OR13D1: variants seen among roughly 807,000 people sequenced by gnomAD.
OR13D1 encodes the protein olfactory receptor 13D1.
For missense variants in OR13D1, 353 were observed against 371.9 expected (o/e 0.95, Z 0.42); for synonymous variants, 125 against 140.2 (o/e 0.89, Z 0.76).
chr9:104,695,322 A>G lies in OR13D1; in HGVS notation c.805A>G (p.Thr269Ala). The change falls in exon 1 of 1, where the codon ACA becomes GCA. Residue 269 changes from threonine (T) to alanine (A), a missense_variant. Thr to Ala is a moderately conservative substitution (Grantham distance 58, BLOSUM62 0). Coordinates refer to ENST00000641530, the MANE Select transcript of OR13D1 (RefSeq NM_001004484.2). ...YMKPKSKNTN[T>A]SDEIIGLSYG... is the part of the protein sequence containing the mutation. Reference sequence around the variant, plus strand: ...GAAACCCAAGTCAAAGAACACTAATACATCTGATGAGATTATTGGGCTGTC... The same window carrying G: ...GAAACCCAAGTCAAAGAACACTAATGCATCTGATGAGATTATTGGGCTGTC... 1 of 1,613,966 alleles carries G rather than the reference A, an allele frequency of 6.2e-7. No individual in the cohort carries two copies. Among genetic ancestry groups the G allele is most frequent in the Non-Finnish European group, 8.5e-7 (1 of 1,179,956 alleles).
At position 104,694,850 on chromosome 9, in the gene OR13D1, G is replaced by C; in HGVS notation, c.333G>C (p.Glu111Asp). 6.2e-7 allele frequency: 1 copy of C among 1,614,156 alleles called. No homozygotes were observed. The highest frequency in any genetic ancestry group is 8.5e-7 in the Non-Finnish European group (1 of 1,180,026). ...TGTCCCTTGGCTTGGGCTCCACTGAGTGTGTCCTCCTGGCTGTGATGGCCT... is the reference window on the plus strand; with the variant it reads ...TGTCCCTTGGCTTGGGCTCCACTGACTGTGTCCTCCTGGCTGTGATGGCCT... ...MVVSLGLGST[E>D]CVLLAVMAYD... The change falls in exon 1 of 1, where the codon GAG becomes GAC. Residue 111 changes from glutamate to aspartate, a missense_variant. Transcript: ENST00000641530.
chr9:104,695,106 C>T lies in OR13D1; in HGVS notation c.589C>T (p.Leu197Phe). The change falls in exon 1 of 1, where the codon CTT becomes TTT. Residue 197 changes from leucine (L) to phenylalanine (F), a missense_variant. By Grantham distance (22) the Leu-to-Phe change is conservative (BLOSUM62 0). Coordinates refer to ENST00000641530, the MANE Select transcript of OR13D1 (RefSeq NM_001004484.2). ...TTGTTCAGATATCACCATCAATGTG[C>T]TTATCATGACAGTGACAAATATTGT... The part of the protein sequence containing the change: ...LVCSDITINV[L>F]IMTVTNIVSL... 2 of 1,613,244 alleles carry T rather than the reference C, an allele frequency of 1.2e-6. No individual in the cohort carries two copies. The highest frequency in any genetic ancestry group is 1.1e-5 in the South Asian group (1 of 91,058).
Position 104,694,675 on chromosome 9 carries a change from C to G in OR13D1, c.158C>G (p.Ser53Cys). ...SLLIIITILD[S>C]RLHTPMYFFL... ...CTCATTATCATCACCATCTTGGATTCTCGCCTCCATACTCCCATGTATTTC... is the reference window on the plus strand; with the variant it reads ...CTCATTATCATCACCATCTTGGATTGTCGCCTCCATACTCCCATGTATTTC... The change falls in exon 1 of 1, where the codon TCT becomes TGT. Residue 53 changes from serine (S) to cysteine (C), a missense_variant. Physicochemically the swap from Ser to Cys is moderately radical, Grantham distance 112 (BLOSUM62 -1). Transcript: ENST00000641530. The G allele has an allele frequency of 6.2e-7, 1 of 1,614,130 alleles. No individual in the cohort carries two copies. The highest frequency in any genetic ancestry group is 1.3e-5 in the African/African-American group (1 of 75,034).
rs1379761027 is a variant in OR13D1 at position 104,694,991 on chromosome 9, G to A, written c.474G>A (p.Leu158=). 2 of 1,613,964 alleles carry A rather than the reference G, an allele frequency of 1.2e-6. No individual in the cohort carries two copies. Among genetic ancestry groups the A allele is most frequent in the East Asian group, 4.5e-5 (2 of 44,864 alleles). Residue 158 remains leucine (L), a synonymous_variant, in exon 1 of 1, where the codon TTG becomes TTA. Transcript: ENST00000641530. ...SWIIGCLTSL[L]QTVLTMMLPF... is the part of the protein sequence containing the mutation. ...TCATAGGCTGTCTGACCTCCCTATTGCAAACAGTTCTGACAATGATGTTGC... is the reference window on the plus strand; with the variant it reads ...TCATAGGCTGTCTGACCTCCCTATTACAAACAGTTCTGACAATGATGTTGC...
Position 104,694,754 on chromosome 9 carries a change from T to C in OR13D1, c.237T>C (p.Pro79=), listed in dbSNP as rs763940138. The C allele has an allele frequency of 1.2e-6, 2 of 1,614,100 alleles. No homozygotes were observed. Among genetic ancestry groups the C allele is most frequent in the Non-Finnish European group, 1.7e-6 (2 of 1,179,968 alleles). The change falls in exon 1 of 1, where the codon CCT becomes CCC. Residue 79 remains proline, a synonymous_variant. Coordinates refer to ENST00000641530, the MANE Select transcript of OR13D1 (RefSeq NM_001004484.2). ...TCTGTTACACATCCTCATCCATTCC[T>C]CCAATGCTTATTATATTTATGTCTG... ...LDICYTSSSI[P]PMLIIFMSER...
chr9:104,694,529 A>G lies in OR13D1; in HGVS notation c.12A>G (p.Arg4=), dbSNP rs1187855937. 6.2e-7 allele frequency: 1 copy of G among 1,610,954 alleles called. No homozygotes were observed. The highest frequency in any genetic ancestry group is 8.5e-7 in the Non-Finnish European group (1 of 1,179,772). MET[R]NYSAMTEFFL... is the part of the protein sequence containing the mutation. ...GTGACCTAGAACACATGGAGACAAGAAATTACTCTGCCATGACTGAATTCT... is the reference window on the plus strand; with the variant it reads ...GTGACCTAGAACACATGGAGACAAGGAATTACTCTGCCATGACTGAATTCT... The change falls in exon 1 of 1, where the codon AGA becomes AGG. Residue 4 remains arginine, a synonymous_variant. Transcript: ENST00000641530.
Position 104,694,728 on chromosome 9 carries a change from A to C in OR13D1, c.211A>C (p.Ile71Leu), listed in dbSNP as rs1827201233. 1 of 1,614,004 alleles carries C rather than the reference A, an allele frequency of 6.2e-7. No homozygotes were observed. The highest frequency in any genetic ancestry group is 1.3e-5 in the African/African-American group (1 of 74,920). Residue 71 changes from isoleucine (I) to leucine (L), a missense_variant, in exon 1 of 1, where the codon ATC (isoleucine) becomes CTC (leucine). Physicochemically the swap from Ile to Leu is conservative, Grantham distance 5. Coordinates refer to ENST00000641530, the MANE Select transcript of OR13D1 (RefSeq NM_001004484.2). ...FFLGNLSFLD[I>L]CYTSSSIPPM... ...TCTTGGAAACCTCTCATTCTTGGACATCTGTTACACATCCTCATCCATTCC... is the reference window on the plus strand; with the variant it reads ...TCTTGGAAACCTCTCATTCTTGGACCTCTGTTACACATCCTCATCCATTCC...
rs146277804 is a variant in OR13D1, at chr9:104,694,597, T to G, written c.80T>G (p.Leu27Arg). ...CAATATCCAGAGCTCCAGCTTTTTC[T>G]GTTCCTGCTCTGCCTCATCATGTAC... ...LSQYPELQLFLFLLCLIMYMI... is the reference protein window; with the variant it reads ...LSQYPELQLFRFLLCLIMYMI... Residue 27 changes from leucine (L) to arginine (R), a missense_variant, in exon 1 of 1, where the codon CTG (leucine) becomes CGG (arginine). Transcript: ENST00000641530. 2,013 of 1,614,160 alleles carry G rather than the reference T, an allele frequency of 1.2e-3. 1 individual carries two copies. Among genetic ancestry groups the G allele is most frequent in the Non-Finnish European group, 1.5e-3 (1,737 of 1,179,986 alleles).
In OR13D1 at chr9:104,694,994, A is replaced by T. The variant is rs10820709; in HGVS notation, c.477A>T (p.Gln159His). ...TAGGCTGTCTGACCTCCCTATTGCA[A>T]ACAGTTCTGACAATGATGTTGCCTT... ...WIIGCLTSLL[Q>H]TVLTMMLPFC... Residue 159 changes from glutamine (Q) to histidine (H), a missense_variant, in exon 1 of 1, where the codon CAA (glutamine) becomes CAT (histidine). Transcript: ENST00000641530. 2 of 1,613,680 alleles carry T rather than the reference A, an allele frequency of 1.2e-6. No individual in the cohort carries two copies. The highest frequency in any genetic ancestry group is 2.7e-5 in the African/African-American group (2 of 74,838).
chr9:104,694,763 T>C lies in OR13D1; in HGVS notation c.246T>C (p.Leu82=), dbSNP rs533927721. 1.9e-6 allele frequency: 3 copies of C among 1,614,110 alleles called. No homozygotes were observed. The highest frequency in any genetic ancestry group is 2.5e-6 in the Non-Finnish European group (3 of 1,179,968). ...CYTSSSIPPM[L]IIFMSERKSI... ...CATCCTCATCCATTCCTCCAATGCT[T>C]ATTATATTTATGTCTGAGAGAAAAT... is the stretch of plus-strand genomic sequence containing the variant. The change falls in exon 1 of 1, where the codon CTT becomes CTC. Residue 82 remains leucine (L), a synonymous_variant. Coordinates refer to ENST00000641530, the MANE Select transcript of OR13D1 (RefSeq NM_001004484.2).
chr9:104,695,188 C>A lies in OR13D1; in HGVS notation c.671C>A (p.Ser224Tyr). 6.2e-7 allele frequency: 1 copy of A among 1,613,678 alleles called. No homozygotes were observed. Among genetic ancestry groups the A allele is most frequent in the East Asian group, 2.2e-5 (1 of 44,874 alleles). Residue 224 changes from serine to tyrosine, a missense_variant, in exon 1 of 1, where the codon TCC becomes TAC. Physicochemically the swap from Ser to Tyr is moderately radical, Grantham distance 144 (BLOSUM62 -2). Coordinates refer to ENST00000641530, the MANE Select transcript of OR13D1 (RefSeq NM_001004484.2). The stretch of plus-strand genomic sequence containing the variant: ...ATCTCCTATGTGTTTATTCTCTCTT[C>A]CATCCTGAGAATTAATTGTGCTGAG... ...IFISYVFILS[S>Y]ILRINCAEGR...
In OR13D1 at chr9:104,695,441, T is replaced by C; in HGVS notation, c.924T>C (p.His308=). The C allele has an allele frequency of 1.9e-6, 3 of 1,554,496 alleles. No homozygotes were observed. Among genetic ancestry groups the C allele is most frequent in the Non-Finnish European group, 2.6e-6 (3 of 1,155,878 alleles). Residue 308 remains histidine, a synonymous_variant, in exon 1 of 1, where the codon CAT becomes CAC. Coordinates refer to ENST00000641530, the MANE Select transcript of OR13D1 (RefSeq NM_001004484.2). ...CTGTAAAGAAAGTCCTGAGCAGACA[T>C]CTGCATTTATTGAAAATGTGAAAAA... is the stretch of plus-strand genomic sequence containing the variant. ...KEAVKKVLSR[H]LHLLKM is the part of the protein sequence containing the mutation.
Position 104,695,204 on chromosome 9 carries a change from T to C in OR13D1, c.687T>C (p.Asn229=). Residue 229 remains asparagine, a synonymous_variant, in exon 1 of 1, where the codon AAT becomes AAC. Coordinates refer to ENST00000641530, the MANE Select transcript of OR13D1 (RefSeq NM_001004484.2). ...TTCTCTCTTCCATCCTGAGAATTAATTGTGCTGAGGGAAGAAAGAAAGCCT... is the reference window on the plus strand; with the variant it reads ...TTCTCTCTTCCATCCTGAGAATTAACTGTGCTGAGGGAAGAAAGAAAGCCT... ...VFILSSILRI[N]CAEGRKKAFS... 3.1e-6 allele frequency: 5 copies of C among 1,613,858 alleles called. No homozygotes were observed. The highest frequency in any genetic ancestry group is 1.3e-5 in the African/African-American group (1 of 75,058).
rs143735173 is a variant in OR13D1, at chr9:104,695,224, A to G, written c.707A>G (p.Lys236Arg). 39 of 1,613,672 alleles carry G rather than the reference A, an allele frequency of 2.4e-5. No homozygotes were observed. Among genetic ancestry groups the G allele is most frequent in the Non-Finnish European group, 3.3e-5 (39 of 1,179,714 alleles). The change falls in exon 1 of 1, where the codon AAA becomes AGA. Residue 236 changes from lysine to arginine, a missense_variant. By Grantham distance (26) the Lys-to-Arg change is conservative. Transcript: ENST00000641530. The part of the protein sequence containing the change: ...LRINCAEGRK[K>R]AFSTCSAHSI... ...ATTAATTGTGCTGAGGGAAGAAAGA[A>G]AGCCTTCTCTACCTGTTCAGCGCAC...
Position 104,694,941 on chromosome 9 carries a change from G to T in OR13D1, c.424G>T (p.Val142Leu), listed in dbSNP as rs781277683. Residue 142 changes from valine to leucine, a missense_variant, in exon 1 of 1, where the codon GTG becomes TTG. Transcript: ENST00000641530. ...CATCATCATGAACGGAGTGCTGTATGTGCAAATGGCTGCATGGTCCTGGAT... is the reference window on the plus strand; with the variant it reads ...CATCATCATGAACGGAGTGCTGTATTTGCAAATGGCTGCATGGTCCTGGAT... ...YSIIMNGVLYVQMAAWSWIIG... is the reference protein window; with the variant it reads ...YSIIMNGVLYLQMAAWSWIIG... 6.2e-7 allele frequency: 1 copy of T among 1,614,158 alleles called. No individual in the cohort carries two copies.
At position 104,695,294 on chromosome 9, in the gene OR13D1, C is replaced by T. The variant is rs891456968; in HGVS notation, c.777C>T (p.Tyr259=). ...ILFYGSALFM[Y]MKPKSKNTNT... ...TCTACGGTTCAGCCCTTTTTATGTACATGAAACCCAAGTCAAAGAACACTA... is the reference window on the plus strand; with the variant it reads ...TCTACGGTTCAGCCCTTTTTATGTATATGAAACCCAAGTCAAAGAACACTA... The change falls in exon 1 of 1, where the codon TAC becomes TAT. Residue 259 remains tyrosine, a synonymous_variant. Transcript: ENST00000641530. The T allele has an allele frequency of 1.9e-6, 3 of 1,613,736 alleles. No individual in the cohort carries two copies. The highest frequency in any genetic ancestry group is 1.1e-5 in the South Asian group (1 of 90,992).
chr9:104,694,803 G>A lies in OR13D1; in HGVS notation c.286G>A (p.Gly96Ser). 1.9e-6 allele frequency: 3 copies of A among 1,614,044 alleles called. No homozygotes were observed. The highest frequency in any genetic ancestry group is 8.5e-7 in the Non-Finnish European group (1 of 1,180,008). Residue 96 changes from glycine to serine, a missense_variant, in exon 1 of 1, where the codon GGC becomes AGC. Coordinates refer to ENST00000641530, the MANE Select transcript of OR13D1 (RefSeq NM_001004484.2). ...TGAGAGAAAATCCATCTCCTTCATT[G>A]GCTGTGCTCTGCAGATGGTTGTGTC... ...MSERKSISFIGCALQMVVSLG... is the reference protein window; with the variant it reads ...MSERKSISFISCALQMVVSLG...
At position 104,694,540 on chromosome 9, in the gene OR13D1, C is replaced by A. The variant is rs748008660; in HGVS notation, c.23C>A (p.Ala8Asp). Residue 8 changes from alanine to aspartate, a missense_variant, in exon 1 of 1, where the codon GCC (alanine) becomes GAC (aspartate). Ala to Asp is a moderately radical substitution (Grantham distance 126, BLOSUM62 -2). Transcript: ENST00000641530. ...CACATGGAGACAAGAAATTACTCTGCCATGACTGAATTCTTTCTGGTGGGG... is the reference window on the plus strand; with the variant it reads ...CACATGGAGACAAGAAATTACTCTGACATGACTGAATTCTTTCTGGTGGGG... METRNYSAMTEFFLVGLS... is the reference protein window; with the variant it reads METRNYSDMTEFFLVGLS... 5 of 1,614,054 alleles carry A rather than the reference C, an allele frequency of 3.1e-6. No homozygotes were observed. In the Admixed American group the frequency reaches 8.3e-5, roughly 27 times the overall value.
Position 104,695,408 on chromosome 9 carries a change from C to T in OR13D1, c.891C>T (p.Val297=). Residue 297 remains valine, a synonymous_variant, in exon 1 of 1, where the codon GTC becomes GTT. Transcript: ENST00000641530. ...PIIYSLRNKE[V]KEAVKKVLSR... The stretch of plus-strand genomic sequence containing the variant: ...TCTATAGCCTCAGGAATAAAGAGGT[C>T]AAAGAGGCTGTAAAGAAAGTCCTGA... 6.3e-7 allele frequency: 1 copy of T among 1,588,574 alleles called. No individual in the cohort carries two copies. Among genetic ancestry groups the T allele is most frequent in the Non-Finnish European group, 8.5e-7 (1 of 1,172,230 alleles).
Sources: allele counts gnomAD v4.1 joint callset, GRCh38; gene constraint gnomAD v4.1.1; transcripts MANE v1.5; gene names NCBI Gene and HGNC (gene_info 2026-07-23, HGNC 2026-07-21).